RXRA: variants seen among roughly 807,000 people sequenced by gnomAD.
RXRA encodes retinoid X receptor alpha.
In RXRA, 5 loss-of-function variants were observed where a neutral mutation model predicts 44.5. The observed-to-expected ratio is 0.11, with a 90% CI of 0.06 to 0.24. The LOEUF is 0.24. Among genes scored for constraint, RXRA ranks in the 10% least tolerant of loss-of-function variants. The probability of loss-of-function intolerance (pLI) is 1.00; values close to 1 mark genes in which losing one functional copy is unlikely to be tolerated. For synonymous variants in RXRA, 291 were observed against 271.4 expected, an observed-to-expected ratio of 1.07 and a Z score of -0.71; for missense variants, 412 against 646.5, an observed-to-expected ratio of 0.64 and a Z score of 3.93.
At chr9:134,333,148 G>A (rs888613528) in intron 1 of RXRA, among the ~76,000 whole-genome samples, 9 of 152,178 alleles carry the variant, frequency 5.9e-5, no homozygotes, top group African/African-American at 1.2e-4. Context: ...TTTGGGGCTG[G>A]GGAGTGGGAC....
intron 1 of RXRA, among the ~76,000 whole-genome samples, chr9:134,364,940 G>T (rs1830395346): frequency 1.3e-5 from 2 of 152,224 alleles, no homozygotes; most frequent in Non-Finnish European, 2.9e-5. Context: ...CATAGATGAG[G>T]CCTCATGTGG....
At chr9:134,401,970 C>CCTCTGGGAGGT in intron 2 of RXRA, 88 bp downstream of exon 2, 2 of 1,113,866 alleles carry the variant, frequency 1.8e-6, no homozygotes, top group Non-Finnish European at 2.5e-6. Flanking sequence ...CATCTTGAGG[C>CCTCTGGGAGGT]CTCTGGGAGG....
chr9:134,410,931 G>T (rs1329337528), intron 4 of RXRA, among the ~76,000 whole-genome samples: 1 of 152,212 alleles, frequency 6.6e-6, no homozygotes, highest in Admixed American at 6.5e-5. Flanking sequence ...TAACCAGGGG[G>T]GGCCCAGGGG....
At chr9:134,388,857 T>C (rs1830759179) in intron 1 of RXRA, among the ~76,000 whole-genome samples, 2 of 152,082 alleles carry the variant, frequency 1.3e-5, no homozygotes, top group African/African-American at 4.8e-5. Context: ...AGGCTGTGAG[T>C]TCTCTGGAGG....
At chr9:134,382,761 C>T (rs911714405) in intron 1 of RXRA, among the ~76,000 whole-genome samples, 15 of 152,094 alleles carry the variant, frequency 9.9e-5, no homozygotes, top group Admixed American at 5.2e-4. Flanking sequence ...GTGGCGTTGC[C>T]GTCTCTGAGC....
chr9:134,328,500 C>T (rs368959869), intron 1 of RXRA, among the ~76,000 whole-genome samples: 2 of 152,268 alleles, frequency 1.3e-5, no homozygotes, highest in Admixed American at 6.5e-5. Flanking sequence ...CTTCTGTTCT[C>T]GAGCAGCAGC....
In RXRA at chr9:134,396,231, C is replaced by G. The variant is rs62573116; in HGVS notation, c.29-5401C>G. 4.9e-3 allele frequency among the ~76,000 whole-genome samples: 750 copies of G among 152,310 alleles called. 4 individuals carry two copies. The highest frequency in any genetic ancestry group is 7.5e-3 in the Non-Finnish European group (510 of 68,012). On this transcript the variant is annotated intron_variant, in intron 1 of 9. Transcript: ENST00000481739. ...CATGGCCGGCATCTCCTGGGTTGGG[C>G]ATGGCTGCCCGCCCCACCCTAGTTC...
At position 134,426,038 on chromosome 9, in the gene RXRA, G is replaced by A. The variant is rs1304567623; in HGVS notation, c.911-3070G>A. ...GTCCAGGGGTCCTGCAACCCCAGCAGAGGCCCTGAGCGTTTGGGCAGGGCC... is the reference window on the plus strand; with the variant it reads ...GTCCAGGGGTCCTGCAACCCCAGCAAAGGCCCTGAGCGTTTGGGCAGGGCC... On this transcript the variant is annotated intron_variant, in intron 6 of 9. Coordinates refer to ENST00000481739, the MANE Select transcript of RXRA (RefSeq NM_002957.6). This position sits in a 1 kb window ranked among gnomAD's most constrained non-coding sequence, Gnocchi z 4.6. 2.0e-6 allele frequency: 2 copies of A among 985,306 alleles called. No individual in the cohort carries two copies. Among genetic ancestry groups the A allele is most frequent in the African/African-American group, 3.5e-5 (2 of 57,236 alleles). 61.0% of individuals were successfully genotyped at this position (985,306 alleles called of 1,614,324 possible).
chr9:134,395,824 GC>G (rs1174588548), intron 1 of RXRA, among the ~76,000 whole-genome samples: 2 of 152,270 alleles, frequency 1.3e-5, no homozygotes, highest in Non-Finnish European at 2.9e-5. Flanking sequence ...CTCAGATGGG[GC>G]TGAGATTTAG....
chr9:134,411,325 TGG>T (rs1554755065), intron 4 of RXRA, among the ~76,000 whole-genome samples: 1 of 98,302 alleles, frequency 1.0e-5, no homozygotes, highest in Admixed American at 1.1e-4. Context: ...GTGTTGGGGC[TGG>T]GGGGACCTGG....
chr9:134,362,693 C>G (rs62576328), intron 1 of RXRA, among the ~76,000 whole-genome samples: 1 of 152,200 alleles, frequency 6.6e-6, no homozygotes, highest in African/African-American at 2.4e-5. Flanking sequence ...CACACACTGC[C>G]GTCTTAGCTG....
intron 7 of RXRA, 23 bp from the exon 8 acceptor site, chr9:134,431,882 G>C: frequency 6.3e-7 from 1 of 1,586,094 alleles, no homozygotes; most frequent in African/African-American, 1.3e-5. Context: ...CTGGGATGGG[G>C]TGTCTGCCCT....
chr9:134,349,636 G>A lies in RXRA; in HGVS notation c.28+22977G>A, dbSNP rs1053373060. 2.0e-5 allele frequency among the ~76,000 whole-genome samples: 3 copies of A among 152,178 alleles called. No homozygotes were observed. The highest frequency in any genetic ancestry group is 7.2e-5 in the African/African-American group (3 of 41,442). On this transcript the variant is annotated intron_variant, in intron 1 of 9. Coordinates refer to ENST00000481739, the MANE Select transcript of RXRA (RefSeq NM_002957.6). This position sits in a 1 kb window ranked among gnomAD's most constrained non-coding sequence, Gnocchi z 4.3. ...TGAGTGGGTGACATCAGGAGACCCC[G>A]CATCAGGCAAGGTTACCTGTGTGCC...
intron 1 of RXRA, among the ~76,000 whole-genome samples, chr9:134,371,297 G>A (rs150431730): frequency 2.7e-4 from 41 of 152,294 alleles, no homozygotes; most frequent in African/African-American, 8.7e-4. Flanking sequence ...GTCCTTTGCC[G>A]TGAGGTCTCA....
chr9:134,335,899 C>T (rs1380461296), intron 1 of RXRA, among the ~76,000 whole-genome samples: 2 of 152,186 alleles, frequency 1.3e-5, no homozygotes, highest in African/African-American at 4.8e-5. Flanking sequence ...CTGCCTCTCC[C>T]TGTGGGCAGC....
At chr9:134,370,930 G>A (rs1830484005) in intron 1 of RXRA, among the ~76,000 whole-genome samples, 2 of 152,224 alleles carry the variant, frequency 1.3e-5, no homozygotes, top group African/African-American at 4.8e-5. Context: ...TCAGCAGAGA[G>A]TACAGTGTCC....
At chr9:134,408,564 A>G (rs1202576486) in intron 3 of RXRA, among the ~76,000 whole-genome samples, 2 of 152,162 alleles carry the variant, frequency 1.3e-5, no homozygotes, top group African/African-American at 2.4e-5. Context: ...GCTGATGGCA[A>G]GGTCAGCATG....
intron 1 of RXRA, among the ~76,000 whole-genome samples, chr9:134,380,887 C>G (rs1002112287): frequency 1.5e-4 from 23 of 152,294 alleles, no homozygotes; most frequent in African/African-American, 4.3e-4. Context: ...CGGATCCCCC[C>G]CTGTCAATCT....
At chr9:134,396,381 C>T (rs1209505873) in intron 1 of RXRA, among the ~76,000 whole-genome samples, 3 of 152,242 alleles carry the variant, frequency 2.0e-5, no homozygotes, top group Admixed American at 1.3e-4. Flanking sequence ...TCCCTGTCCC[C>T]GCCAGCGCTG....
Sources: allele counts gnomAD v4.1 joint callset (sites outside exome capture counted in the v4.1 genomes callset), GRCh38; gene constraint gnomAD v4.1.1; non-coding constraint Gnocchi (gnomAD v3.1); transcripts MANE v1.5; gene names NCBI Gene and HGNC (gene_info 2026-07-23, HGNC 2026-07-21).